Variants in SMG7 observed in about 807,000 individuals in gnomAD.
SMG7 encodes the protein SMG7 nonsense mediated mRNA decay factor, also known as nonsense-mediated mRNA decay factor SMG7.
SMG7 carries 34 observed loss-of-function variants against 148.2 expected under a neutral mutation model. That is an observed-to-expected ratio of 0.23 (90% CI 0.17 to 0.31). SMG7 has a LOEUF of 0.31. Ranked by LOEUF, SMG7 falls within the 10% of genes least tolerant of loss-of-function variation. SMG7 has a pLI of 1.00. For synonymous variants in SMG7, 492 were observed against 515.1 expected, an observed-to-expected ratio of 0.96 and a Z score of 0.61; for missense variants, 1,114 against 1,408.4, an observed-to-expected ratio of 0.79 and a Z score of 3.35.
chr1:183,501,341 C>T (rs1659660871), intron 1 of SMG7: 1 of 152,136 alleles, frequency 6.6e-6, no homozygotes, highest in African/African-American at 2.4e-5. Context: ...TAAGGTTACA[C>T]AGCTAGTAAG....
chr1:183,477,899 A>G (rs1172081234), intron 1 of SMG7, among the ~76,000 whole-genome samples: 1 of 152,142 alleles, frequency 6.6e-6, no homozygotes, highest in African/African-American at 2.4e-5. Flanking sequence ...ACTTGTCAGA[A>G]GTTTTGTTAC....
At chr1:183,502,028 A>G (rs1251549118) in intron 1 of SMG7, among the ~76,000 whole-genome samples, 1 of 152,206 alleles carries the variant, frequency 6.6e-6, no homozygotes, top group Non-Finnish European at 1.5e-5. Flanking sequence ...AGTGAGGAAC[A>G]TTAGAATAAC....
chr1:183,499,234 A>G (rs2102296771), intron 1 of SMG7, among the ~76,000 whole-genome samples: 1 of 152,324 alleles, frequency 6.6e-6, no homozygotes, highest in East Asian at 1.9e-4. Context: ...ATTCATGTGC[A>G]GGTTTTTGTG....
chr1:183,545,555 G>A (rs1669776121), intron 16 of SMG7, among the ~76,000 whole-genome samples: 1 of 151,934 alleles, frequency 6.6e-6, no homozygotes, highest in South Asian at 2.1e-4. Context: ...CCATTTTATT[G>A]AAAATGGATT....
At chr1:183,546,461 G>A (rs1669951694) in intron 17 of SMG7, 124 bp downstream of exon 17, 2 of 1,001,936 alleles carry the variant, frequency 2.0e-6, no homozygotes, top group South Asian at 3.5e-5. Flanking sequence ...GAATGCCACT[G>A]AGTATTGGTG....
chr1:183,547,186 T>C lies in SMG7; in HGVS notation c.2826T>C (p.Ser942=). The C allele has an allele frequency of 6.4e-7, 1 of 1,550,496 alleles. No homozygotes were observed. Among genetic ancestry groups the C allele is most frequent in the Non-Finnish European group, 8.7e-7 (1 of 1,146,924 alleles). The change falls in exon 18 of 23, where the codon TCT becomes TCC. Residue 942 remains serine, a synonymous_variant. Transcript: ENST00000688051. ...AGGAAGAGGAAGAGCTGATTTTTTC[T>C]AACCCTCCTGATCTTTACCCGGCTC... The part of the protein sequence containing the change: ...ALEEEEELIF[S]NPPDLYPALL...
At chr1:183,499,905 T>C (rs959373178) in intron 1 of SMG7, among the ~76,000 whole-genome samples, 1 of 152,190 alleles carries the variant, frequency 6.6e-6, no homozygotes, top group Non-Finnish European at 1.5e-5. Context: ...AGCATCTGAT[T>C]ACTTTGTTAT....
At chr1:183,548,645 A>G (rs1304155007) in intron 18 of SMG7, among the ~76,000 whole-genome samples, 2 of 152,256 alleles carry the variant, frequency 1.3e-5, no homozygotes, top group African/African-American at 4.8e-5. Context: ...CTATTCAGTG[A>G]CAGCATTAGA....
chr1:183,491,837 G>A lies in SMG7; in HGVS notation c.29+19188G>A, dbSNP rs75569304. Among the ~76,000 whole-genome samples, 543 of 152,256 alleles carry A rather than the reference G, an allele frequency of 3.6e-3. 2 individuals are homozygous for A. The highest frequency in any genetic ancestry group is 4.5e-3 in the Non-Finnish European group (309 of 68,024). On this transcript the variant is annotated intron_variant, in intron 1 of 22. Transcript: ENST00000688051. Reference sequence around the variant, plus strand: ...CCAGTATTAAGGTGCCGGCAGGTTCGGTGCTGGCAAGAGCCCAGTCTCTGC... The same window carrying A: ...CCAGTATTAAGGTGCCGGCAGGTTCAGTGCTGGCAAGAGCCCAGTCTCTGC...
At position 183,536,029 on chromosome 1, in the gene SMG7, C is replaced by A. The variant is rs928577289; in HGVS notation, c.1164-1116C>A. Among the ~76,000 whole-genome samples, 4 of 152,136 alleles carry A rather than the reference C, an allele frequency of 2.6e-5. No individual in the cohort carries two copies. The South Asian group carries it at 8.3e-4, about 32-fold the overall frequency. On this transcript the variant is annotated intron_variant, in intron 10 of 22. Coordinates refer to ENST00000688051, the MANE Select transcript of SMG7 (RefSeq NM_001375584.1). Reference sequence around the variant, plus strand: ...CCCATATTTCAGAGTGTACAACTGTCCCAAATAGTTAACTTACAATTTTCC... The same window carrying A: ...CCCATATTTCAGAGTGTACAACTGTACCAAATAGTTAACTTACAATTTTCC...
chr1:183,481,585 G>A (rs990355494), intron 1 of SMG7, among the ~76,000 whole-genome samples: 5 of 152,026 alleles, frequency 3.3e-5, no homozygotes, highest in Non-Finnish European at 5.9e-5. Context: ...AAAACATTTA[G>A]GACTATTTAC....
chr1:183,552,357 AC>A lies in SMG7; in HGVS notation c.*427del. On this transcript the variant is annotated 3_prime_UTR_variant, in exon 23 of 23. Coordinates refer to ENST00000688051, the MANE Select transcript of SMG7 (RefSeq NM_001375584.1). ...GAATCCATTAATGATTGCTTTGCTGACTGAGAATGTAGTTGAAATTATTCTT... is the reference window on the plus strand; with the variant it reads ...GAATCCATTAATGATTGCTTTGCTGATGAGAATGTAGTTGAAATTATTCTT... The A allele has an allele frequency of 1.0e-6, 1 of 990,234 alleles. No individual in the cohort carries two copies. Among genetic ancestry groups the A allele is most frequent in the Non-Finnish European group, 1.2e-6 (1 of 834,288 alleles). The allele number at this position is 990,234 out of a possible 1,614,324, so 61.3% of individuals were successfully genotyped here. A position where few individuals can be genotyped will look rare whatever the true frequency, so the allele number is the denominator to read the frequency against.
Position 183,508,726 on chromosome 1 carries a change from GA to G in SMG7, c.30-4103del, listed in dbSNP as rs1050648778. Among the ~76,000 whole-genome samples the G allele has an allele frequency of 4.0e-5, 6 of 151,892 alleles. No individual in the cohort carries two copies. In the Middle Eastern group the frequency reaches 0.017, roughly 431 times the overall value. ...TCTAAATGGATATTTTGGGGATACA[GA>G]AAAAAAAGTTAGTGGATAATAGTAT... On this transcript the variant is annotated intron_variant, in intron 1 of 22. Coordinates refer to ENST00000688051, the MANE Select transcript of SMG7 (RefSeq NM_001375584.1).
intron 1 of SMG7, among the ~76,000 whole-genome samples, chr1:183,497,663 C>T (rs748860976): frequency 1.6e-4 from 25 of 152,126 alleles, no homozygotes; most frequent in Middle Eastern, 3.4e-3. Flanking sequence ...TCTGCCTCCC[C>T]GGTTCATGCG....
At chr1:183,499,576 T>C (rs774471702) in intron 1 of SMG7, among the ~76,000 whole-genome samples, 4 of 152,198 alleles carry the variant, frequency 2.6e-5, no homozygotes, top group Non-Finnish European at 5.9e-5. Context: ...TTTGGCTCAT[T>C]TTTTAATCGA....
At chr1:183,498,527 C>G (rs1219146393) in intron 1 of SMG7, among the ~76,000 whole-genome samples, 1 of 152,206 alleles carries the variant, frequency 6.6e-6, no homozygotes, top group Non-Finnish European at 1.5e-5. Flanking sequence ...ACAAAAAACA[C>G]TGTTTCTTTT....
chr1:183,542,484 G>A lies in SMG7; in HGVS notation c.1824G>A (p.Lys608=). 1 of 1,613,144 alleles carries A rather than the reference G, an allele frequency of 6.2e-7. No individual in the cohort carries two copies. Among genetic ancestry groups the A allele is most frequent in the Middle Eastern group, 1.7e-4 (1 of 6,056 alleles). Reference sequence around the variant, plus strand: ...TAGAAAAGTTACAGGAAACAGGAAAGCAGAATGTGGCAGTGCAGGTAAGCT... The same window carrying A: ...TAGAAAAGTTACAGGAAACAGGAAAACAGAATGTGGCAGTGCAGGTAAGCT... ...CTLEKLQETG[K]QNVAVQVKSQ... The change falls in exon 14 of 23, where the codon AAG becomes AAA. Residue 608 remains lysine, a synonymous_variant. Coordinates refer to ENST00000688051, the MANE Select transcript of SMG7 (RefSeq NM_001375584.1).
In SMG7 at chr1:183,528,986, C is replaced by T; in HGVS notation, c.651C>T (p.Phe217=). The T allele has an allele frequency of 6.2e-7, 1 of 1,613,570 alleles. No individual in the cohort carries two copies. The highest frequency in any genetic ancestry group is 8.5e-7 in the Non-Finnish European group (1 of 1,179,604). The change falls in exon 7 of 23, where the codon TTC becomes TTT. Residue 217 remains phenylalanine (F), a synonymous_variant. Transcript: ENST00000688051. ...FYYCRSIAVK[F]PFPAASTNLQ... ...ACTGCAGAAGCATTGCTGTGAAGTT[C>T]CCTTTCCCAGCTGCCTCCACTAATC... is the stretch of plus-strand genomic sequence containing the variant.
intron 1 of SMG7, among the ~76,000 whole-genome samples, chr1:183,477,583 CGT>C (rs1350249114): frequency 4.3e-4 from 30 of 70,000 alleles, no homozygotes; most frequent in African/African-American, 1.6e-3. Flanking sequence ...TGCATATATA[CGT>C]GTGTGCATAT....
Sources: gnomAD v4.1 joint callset for allele counts (sites outside exome capture counted in the v4.1 genomes callset) on GRCh38, gnomAD v4.1.1 for gene constraint, MANE v1.5 for transcripts, NCBI Gene and HGNC (gene_info 2026-07-23, HGNC 2026-07-21) for gene names.